The following RPS6KA2 variants were observed in gnomAD, a reference collection of about 807,000 sequenced individuals.
RPS6KA2 encodes the protein ribosomal protein S6 kinase alpha-2.
A neutral mutation model predicts 91.8 loss-of-function variants in RPS6KA2; 42 were observed. The ratio of observed to expected loss-of-function variants is 0.46; its 90% CI spans 0.36 to 0.59. The LOEUF (loss-of-function observed/expected upper bound fraction) is 0.59, where lower values mean the gene tolerates loss of function less well. Among genes scored for constraint, RPS6KA2 ranks in the 20% least tolerant of loss-of-function variants. RPS6KA2 has a pLI of 0.00. For synonymous variants in RPS6KA2, 414 were observed against 393.6 expected, an observed-to-expected ratio of 1.05 and a Z score of -0.61; for missense variants, 798 against 978.5, an observed-to-expected ratio of 0.82 and a Z score of 2.46.
intron 10 of RPS6KA2, among the ~76,000 whole-genome samples, chr6:166,483,321 C>T (rs1253087320): frequency 1.3e-5 from 2 of 152,160 alleles, no homozygotes; most frequent in Admixed American, 6.5e-5. Context: ...ACTCAGAATC[C>T]GGACAACCCC....
rs546306423 is a variant in RPS6KA2, at chr6:166,824,150, CAT to C, written c.123+34048_123+34049del. ...GTATGCATGTGTATACATGTACACA[CAT>C]CTCTTTGCACCCACGAGAAACTCCT... On this transcript the variant is annotated intron_variant, in intron 2 of 21. Transcript: ENST00000503859. 2.7e-4 allele frequency among the ~76,000 whole-genome samples: 41 copies of C among 152,252 alleles called. 2 individuals carry two copies. In the South Asian group the frequency reaches 7.3e-3, roughly 27 times the overall value.
intron 11 of RPS6KA2, chr6:166,460,772 C>T (rs76293773): frequency 0.053 from 8,051 of 152,352 alleles, 717 homozygotes; most frequent in African/African-American, 0.18. Flanking sequence ...GAGTCCTGTC[C>T]TGGGCACTTG....
At chr6:166,792,605 A>G (rs1410332924) in intron 2 of RPS6KA2, among the ~76,000 whole-genome samples, 1 of 152,146 alleles carries the variant, frequency 6.6e-6, no homozygotes, top group African/African-American at 2.4e-5. Context: ...AAAATCCTCA[A>G]TAAAATACTG....
intron 2 of RPS6KA2, among the ~76,000 whole-genome samples, chr6:166,761,850 C>T (rs534558082): frequency 6.6e-6 from 1 of 152,268 alleles, no homozygotes; most frequent in South Asian, 2.1e-4. Flanking sequence ...GGAAGTGTCT[C>T]CTCGCATTTG....
At chr6:166,531,449 T>C (rs924065349) in intron 2 of RPS6KA2, 136 bp from the exon 3 acceptor site, 2 of 688,670 alleles carry the variant, frequency 2.9e-6, no homozygotes, top group African/African-American at 3.6e-5. Context: ...AATTTAAAAT[T>C]TTCTCCAACG....
At position 166,423,051 on chromosome 6, in the gene RPS6KA2, G is replaced by A. The variant is rs185812782; in HGVS notation, c.1743+205C>T. Among the ~76,000 whole-genome samples the A allele has an allele frequency of 8.0e-4, 121 of 152,172 alleles. No individual in the cohort carries two copies. Among genetic ancestry groups the A allele is most frequent in the Non-Finnish European group, 9.6e-4 (65 of 68,026 alleles). ...GAAAAGTTTTTTCAAATGGGAAAAT[G>A]AGAATGATAAGAACAACTACGTTTA... On this transcript the variant is annotated intron_variant, in intron 17 of 20. Coordinates refer to ENST00000265678, the MANE Select transcript of RPS6KA2 (RefSeq NM_021135.6). This position sits in a 1 kb window ranked among gnomAD's most constrained non-coding sequence, Gnocchi z 4.8.
At position 166,508,359 on chromosome 6, in the gene RPS6KA2, C is replaced by T; in HGVS notation, c.380-77G>A. The T allele has an allele frequency of 1.1e-6, 1 of 946,846 alleles. No homozygotes were observed. The highest frequency in any genetic ancestry group is 1.7e-6 in the Non-Finnish European group (1 of 588,136). The allele number at this position is 946,846 out of a possible 1,614,324, so 58.7% of individuals were successfully genotyped here. On this transcript the variant is annotated intron_variant, in intron 4 of 20. Transcript: ENST00000265678. The surrounding 1 kb of genome is among the most constrained non-coding windows in gnomAD (Gnocchi z 4.3). ...AACATCGCTCTCTGGCTTCTCCCTG[C>T]TCACGGTGCTGCTTACTCCGGGAGG...
chr6:166,621,095 C>T (rs1308645119), intron 1 of RPS6KA2, among the ~76,000 whole-genome samples: 2 of 152,196 alleles, frequency 1.3e-5, no homozygotes, highest in African/African-American at 2.4e-5. Context: ...GAGCATTCGC[C>T]GAATGGAATC....
At chr6:166,827,768 A>T (rs957757395) in intron 2 of RPS6KA2, among the ~76,000 whole-genome samples, 1 of 152,224 alleles carries the variant, frequency 6.6e-6, no homozygotes, top group African/African-American at 2.4e-5. Flanking sequence ...AAAACCTCAC[A>T]CTGCGTATCT....
At chr6:166,583,362 G>A (rs773872352) in intron 1 of RPS6KA2, among the ~76,000 whole-genome samples, 13 of 152,134 alleles carry the variant, frequency 8.5e-5, no homozygotes, top group African/African-American at 9.7e-5. Flanking sequence ...TGTGATCTGC[G>A]GAAACGGCTC....
In RPS6KA2 at chr6:166,716,044, A is replaced by G. The variant is rs1371591912; in HGVS notation, c.123+142156T>C. Reference sequence around the variant, plus strand: ...CAGAGTGAGACTCCATCAAAAAAAAAAAAAAAAAAAAAAAAAAGAAGGAAA... The same window carrying G: ...CAGAGTGAGACTCCATCAAAAAAAAGAAAAAAAAAAAAAAAAAGAAGGAAA... On this transcript the variant is annotated intron_variant, in intron 2 of 21. Coordinates refer to the RPS6KA2 transcript ENST00000503859. Among the ~76,000 whole-genome samples the G allele has an allele frequency of 7.5e-4, 58 of 77,040 alleles. 2 individuals carry two copies. The highest frequency in any genetic ancestry group is 3.2e-3 in the African/African-American group (58 of 18,296). 50.5% of individuals were successfully genotyped at this position (77,040 alleles called of 152,430 possible). A position where few individuals can be genotyped will look rare whatever the true frequency, so the allele number is the denominator to read the frequency against.
chr6:166,425,703 G>T lies in RPS6KA2; in HGVS notation c.1582-2286C>A, dbSNP rs537346971. Among the ~76,000 whole-genome samples, 167 of 149,674 alleles carry T rather than the reference G, an allele frequency of 1.1e-3. 1 individual carries two copies. Among genetic ancestry groups the T allele is most frequent in the African/African-American group, 3.9e-3 (153 of 39,184 alleles). On this transcript the variant is annotated intron_variant, in intron 16 of 20. Transcript: ENST00000265678. ...ACCAACAAAGATCAAAAGAGACAAA[G>T]AAGGCCATTACATAATGGTAAAGGG...
upstream of RPS6KA2, chr6:166,627,453 G>C (rs936793589): frequency 1.3e-5 from 2 of 153,784 alleles, no homozygotes; most frequent in Admixed American, 6.6e-5. Flanking sequence ...GCCCGGGAGA[G>C]CCCCGCCTCT....
At chr6:166,625,221 T>C (rs1786812416) in intron 1 of RPS6KA2, among the ~76,000 whole-genome samples, 1 of 152,152 alleles carries the variant, frequency 6.6e-6, no homozygotes, top group Non-Finnish European at 1.5e-5. Context: ...TTAGACTACA[T>C]GTATTTTCAG....
intron 1 of RPS6KA2, among the ~76,000 whole-genome samples, chr6:166,602,969 G>A (rs761800528): frequency 3.9e-5 from 6 of 152,222 alleles, no homozygotes; most frequent in Non-Finnish European, 7.3e-5. Context: ...TATCCACAGT[G>A]AGAATCTGGA....
chr6:166,674,969 A>G (rs898122446), intron 2 of RPS6KA2, among the ~76,000 whole-genome samples: 9 of 152,298 alleles, frequency 5.9e-5, no homozygotes, highest in Admixed American at 5.9e-4. Flanking sequence ...GTGCCTGGCG[A>G]AAAGACAATG....
chr6:166,775,455 A>G (rs989810806), intron 2 of RPS6KA2, among the ~76,000 whole-genome samples: 1 of 152,212 alleles, frequency 6.6e-6, no homozygotes, highest in African/African-American at 2.4e-5. Context: ...ATTTTGTTAT[A>G]ACAAACAAAA....
At chr6:166,537,306 CTCTT>C (rs1232116191) in intron 2 of RPS6KA2, among the ~76,000 whole-genome samples, 1 of 152,380 alleles carries the variant, frequency 6.6e-6, no homozygotes, top group East Asian at 1.9e-4. Flanking sequence ...ATTCTCCTCT[CTCTT>C]TTTTCTCTAC....
intron 10 of RPS6KA2, among the ~76,000 whole-genome samples, chr6:166,485,365 C>A (rs921476595): frequency 2.0e-5 from 3 of 152,132 alleles, no homozygotes; most frequent in African/African-American, 7.2e-5. Context: ...GCATTGCAAA[C>A]TCGATTCTAA....
Sources: gnomAD v4.1 joint callset for allele counts (sites outside exome capture counted in the v4.1 genomes callset) on GRCh38, gnomAD v4.1.1 for gene constraint, Gnocchi (gnomAD v3.1) non-coding constraint, MANE v1.5 for transcripts, NCBI Gene and HGNC (gene_info 2026-07-23, HGNC 2026-07-21) for gene names.